Variants in EDIL3 observed in about 807,000 individuals in gnomAD.
The protein encoded by EDIL3 is EGF like and discoidin domains 3.
A neutral mutation model predicts 67.4 loss-of-function variants in EDIL3; 37 were observed. The ratio of observed to expected loss-of-function variants is 0.55; its 90% confidence interval spans 0.42 to 0.72. EDIL3 has a LOEUF of 0.72. Ranked by LOEUF, EDIL3 falls within the 30% of genes least tolerant of loss-of-function variation. The pLI is 0.00. For missense variants in EDIL3, 527 were observed against 586.3 expected (o/e 0.90, Z 1.04); for synonymous variants, 195 against 196.3 (o/e 0.99, Z 0.05).
At chr5:84,344,491 C>G (rs1307239826) in intron 1 of EDIL3, among the ~76,000 whole-genome samples, 1 of 151,664 alleles carries the variant, frequency 6.6e-6, no homozygotes, top group Non-Finnish European at 1.5e-5. Context: ...AACACGTTAC[C>G]AACAATTTGT....
rs140336530 is a variant in EDIL3 at position 84,344,234 on chromosome 5, CA to C, written c.67+40073del. ...AGAATTATGTTTATATAATTTATTA[CA>C]ATTGGCACCATTTACCAATTCCTTT... On this transcript the variant is annotated intron_variant, in intron 1 of 10. Transcript: ENST00000296591. 8.9e-3 allele frequency among the ~76,000 whole-genome samples: 1,347 copies of C among 152,196 alleles called. 14 individuals are homozygous for C. The highest frequency in any genetic ancestry group is 0.03 in the African/African-American group (1,254 of 41,516).
chr5:84,158,181 T>G (rs1407806092), intron 4 of EDIL3, among the ~76,000 whole-genome samples: 1 of 152,062 alleles, frequency 6.6e-6, no homozygotes, highest in Non-Finnish European at 1.5e-5. Flanking sequence ...ATCAATTATA[T>G]TGGATAGAGT....
intron 5 of EDIL3, among the ~76,000 whole-genome samples, chr5:84,129,121 T>C (rs892351069): frequency 6.6e-6 from 1 of 152,140 alleles, no homozygotes; most frequent in Admixed American, 6.6e-5. Flanking sequence ...AAAACTGTTG[T>C]GTAACATTTG....
chr5:84,057,547 C>T (rs1746471211), intron 9 of EDIL3, among the ~76,000 whole-genome samples: 1 of 152,012 alleles, frequency 6.6e-6, no homozygotes, highest in Non-Finnish European at 1.5e-5. Context: ...TCAAGTCTAA[C>T]AAGTGGAAAG....
chr5:84,067,828 A>G (rs1256656628), intron 6 of EDIL3, among the ~76,000 whole-genome samples: 1 of 152,188 alleles, frequency 6.6e-6, no homozygotes, highest in Admixed American at 6.5e-5. Flanking sequence ...TCATATATAA[A>G]GAAAATCTGG....
intron 9 of EDIL3, among the ~76,000 whole-genome samples, chr5:84,041,894 T>G (rs934160015): frequency 2.6e-5 from 4 of 151,966 alleles, no homozygotes; most frequent in African/African-American, 9.7e-5. Flanking sequence ...TTTCATGAAA[T>G]AAACAAAGAT....
At chr5:84,055,781 A>G (rs1746433954) in intron 9 of EDIL3, among the ~76,000 whole-genome samples, 1 of 152,218 alleles carries the variant, frequency 6.6e-6, no homozygotes, top group Non-Finnish European at 1.5e-5. Flanking sequence ...CACCAGTTAG[A>G]ATGGCAATCA....
chr5:84,348,300 T>C (rs1747275041), intron 1 of EDIL3, among the ~76,000 whole-genome samples: 1 of 152,104 alleles, frequency 6.6e-6, no homozygotes, highest in Non-Finnish European at 1.5e-5. Flanking sequence ...ACTCTCCTTG[T>C]TCCAGGAAAA....
At chr5:84,382,970 C>T (rs911540694) in intron 1 of EDIL3, among the ~76,000 whole-genome samples, 17 of 152,218 alleles carry the variant, frequency 1.1e-4, no homozygotes, top group African/African-American at 4.1e-4. Flanking sequence ...GCTTCTTGGG[C>T]GAACAGTCGC....
chr5:84,069,533 C>T (rs1746698067), intron 6 of EDIL3, among the ~76,000 whole-genome samples: 1 of 151,960 alleles, frequency 6.6e-6, no homozygotes, highest in African/African-American at 2.4e-5. Context: ...GCACTTAGAA[C>T]ATGTTTTTTA....
At chr5:83,993,174 T>C (rs892187946) in intron 9 of EDIL3, among the ~76,000 whole-genome samples, 3 of 152,192 alleles carry the variant, frequency 2.0e-5, no homozygotes, top group African/African-American at 4.8e-5. Flanking sequence ...AATATTTCTT[T>C]ATTTTATTTA....
chr5:84,139,341 G>A (rs1012575815), intron 4 of EDIL3, among the ~76,000 whole-genome samples: 8 of 151,614 alleles, frequency 5.3e-5, no homozygotes, highest in Non-Finnish European at 7.4e-5. Context: ...GAGGGAAGGA[G>A]GGAGGGAGGG....
Position 84,219,913 on chromosome 5 carries a change from C to T in EDIL3, c.226+9942G>A, listed in dbSNP as rs540060933. 7.3e-5 allele frequency among the ~76,000 whole-genome samples: 11 copies of T among 151,464 alleles called. No individual in the cohort carries two copies. The South Asian group carries it at 1.5e-3, about 20-fold the overall frequency. On this transcript the variant is annotated intron_variant, in intron 3 of 10. Coordinates refer to ENST00000296591, the MANE Select transcript of EDIL3 (RefSeq NM_005711.5). ...ACTTATTTACAGGAGCACTTATTTA[C>T]GGAGATAGAGAGTAGAATGATGGTT...
At chr5:83,973,588 A>G (rs1744827300) in intron 9 of EDIL3, among the ~76,000 whole-genome samples, 1 of 152,082 alleles carries the variant, frequency 6.6e-6, no homozygotes, top group Non-Finnish European at 1.5e-5. Context: ...AGTAGCTACA[A>G]TTTAGTTGAT....
At chr5:84,220,488 T>G (rs1029230980) in intron 3 of EDIL3, among the ~76,000 whole-genome samples, 6 of 152,158 alleles carry the variant, frequency 3.9e-5, no homozygotes, top group Non-Finnish European at 5.9e-5. Context: ...TCATAGAAGT[T>G]TTTATAAAAA....
At chr5:84,192,028 A>C (rs1315039339) in intron 3 of EDIL3, among the ~76,000 whole-genome samples, 1 of 152,054 alleles carries the variant, frequency 6.6e-6, no homozygotes, top group Non-Finnish European at 1.5e-5. Context: ...TCCCAGAACA[A>C]CACCAAGTAG....
chr5:84,099,824 C>G (rs993673396), intron 6 of EDIL3, among the ~76,000 whole-genome samples: 1 of 151,980 alleles, frequency 6.6e-6, no homozygotes, highest in South Asian at 2.1e-4. Context: ...TTTTTGCAAT[C>G]TATCCATCTC....
chr5:84,309,621 A>G (rs1237762675), intron 1 of EDIL3, among the ~76,000 whole-genome samples: 2 of 151,200 alleles, frequency 1.3e-5, no homozygotes, highest in Non-Finnish European at 2.9e-5. Flanking sequence ...GCGATAGTTT[A>G]CTGAGAATGA....
At chr5:84,261,660 T>C (rs962502465) in intron 1 of EDIL3, among the ~76,000 whole-genome samples, 1 of 152,198 alleles carries the variant, frequency 6.6e-6, no homozygotes, top group Non-Finnish European at 1.5e-5. Context: ...ATTTTACTGG[T>C]AAATCATTAG....
Sources: allele counts gnomAD v4.1 joint callset (sites outside exome capture counted in the v4.1 genomes callset), GRCh38; gene constraint gnomAD v4.1.1; transcripts MANE v1.5; gene names NCBI Gene and HGNC (gene_info 2026-07-23, HGNC 2026-07-21).